Variants in NRG3 observed in about 807,000 individuals in gnomAD.
NRG3 encodes the protein pro-neuregulin-3, membrane-bound isoform.
A neutral mutation model predicts 66.9 loss-of-function variants in NRG3; 31 were observed. The ratio of observed to expected loss-of-function variants is 0.46; its 90% CI spans 0.35 to 0.63. The LOEUF is 0.63. Among genes scored for constraint, NRG3 ranks in the 20% least tolerant of loss-of-function variants. The pLI is 0.00. For synonymous variants in NRG3, 393 were observed against 359.4 expected (o/e 1.09, Z -1.06); for missense variants, 910 against 878.9 (o/e 1.04, Z -0.45).
intron 1 of NRG3, among the ~76,000 whole-genome samples, chr10:82,100,812 T>C (rs2066684603): frequency 6.6e-6 from 1 of 152,034 alleles, no homozygotes; most frequent in South Asian, 2.1e-4. Context: ...AACAGGAATA[T>C]TGGCCTGTCA....
At chr10:82,663,312 G>A (rs1486210543) in intron 2 of NRG3, among the ~76,000 whole-genome samples, 1 of 152,202 alleles carries the variant, frequency 6.6e-6, no homozygotes, top group Non-Finnish European at 1.5e-5. Context: ...ATCTGCCATT[G>A]AGGTTTCCTG....
Position 82,146,192 on chromosome 10 carries a change from CAG to C in NRG3, c.824-212543_824-212542del, listed in dbSNP as rs1451290687. Among the ~76,000 whole-genome samples the C allele has an allele frequency of 3.9e-5, 6 of 152,234 alleles. No individual in the cohort carries two copies. The South Asian group carries it at 1.2e-3, about 32-fold the overall frequency. The stretch of plus-strand genomic sequence containing the variant: ...GTTTCTATCAAAGAGAATGTTGGGA[CAG>C]AGATTGTAAAAGAGAATAGAGCCTG... On this transcript the variant is annotated intron_variant, in intron 1 of 8. Transcript: ENST00000372141.
intron 3 of NRG3, among the ~76,000 whole-genome samples, chr10:82,855,476 C>A (rs1390386853): frequency 6.6e-6 from 1 of 152,120 alleles, no homozygotes; most frequent in African/African-American, 2.4e-5. Flanking sequence ...AGGCTCACTG[C>A]AACCTCGACT....
At chr10:81,877,554 C>A in intron 1 of NRG3, 1 of 419,330 alleles carries the variant, frequency 2.4e-6, no homozygotes, top group Non-Finnish European at 3.3e-6. Context: ...CTGGGTGTTA[C>A]TTAACCCTTG....
intron 2 of NRG3, among the ~76,000 whole-genome samples, chr10:82,697,039 A>G (rs2246722): frequency 0.57 from 86,832 of 152,034 alleles, 27,378 homozygotes; most frequent in East Asian, 0.73. Context: ...GAGACTTTCA[A>G]ATATTATGGT....
intron 2 of NRG3, among the ~76,000 whole-genome samples, chr10:82,435,779 CT>C (rs1158502018): frequency 0.15 from 16,282 of 108,282 alleles, 1,181 homozygotes; most frequent in African/African-American, 0.31. Flanking sequence ...CTTTTCTTTT[CT>C]TTTTTTTTTT....
intron 3 of NRG3, among the ~76,000 whole-genome samples, chr10:82,766,235 C>A (rs2059508103): frequency 6.6e-6 from 1 of 152,142 alleles, no homozygotes; most frequent in African/African-American, 2.4e-5. Context: ...CGAAAGTAAA[C>A]AGCAGCAACC....
chr10:82,092,038 T>C (rs2066056880), intron 1 of NRG3, among the ~76,000 whole-genome samples: 1 of 152,180 alleles, frequency 6.6e-6, no homozygotes, highest in Admixed American at 6.5e-5. Context: ...GAAAAAATAT[T>C]ATTACTATAG....
chr10:82,813,406 G>A (rs926419880), intron 3 of NRG3, among the ~76,000 whole-genome samples: 1 of 151,560 alleles, frequency 6.6e-6, no homozygotes, highest in Non-Finnish European at 1.5e-5. Context: ...TAGAAATGAG[G>A]TTTCACCATG....
At chr10:81,910,099 C>T (rs965701290) in intron 1 of NRG3, among the ~76,000 whole-genome samples, 3 of 152,152 alleles carry the variant, frequency 2.0e-5, no homozygotes, top group African/African-American at 4.8e-5. Flanking sequence ...TTGTTTCAGC[C>T]AGAGGGTTTT....
chr10:82,646,327 A>G (rs537751392), intron 2 of NRG3, among the ~76,000 whole-genome samples: 1 of 152,280 alleles, frequency 6.6e-6, no homozygotes, highest in South Asian at 2.1e-4. Flanking sequence ...CAGAGTGATC[A>G]TTTGCACTCA....
intron 1 of NRG3, among the ~76,000 whole-genome samples, chr10:82,276,680 G>T (rs2078865042): frequency 6.6e-6 from 1 of 151,998 alleles, no homozygotes; most frequent in African/African-American, 2.4e-5. Flanking sequence ...TATATAACTT[G>T]TAGAACATAA....
intron 1 of NRG3, among the ~76,000 whole-genome samples, chr10:82,350,211 T>C (rs1486323985): frequency 6.6e-6 from 1 of 152,246 alleles, no homozygotes; most frequent in Admixed American, 6.5e-5. Context: ...AAAAACATTA[T>C]CAGAGATTTG....
intron 4 of NRG3, among the ~76,000 whole-genome samples, chr10:82,878,222 A>G (rs1288943265): frequency 6.6e-6 from 1 of 152,234 alleles, no homozygotes; most frequent in Non-Finnish European, 1.5e-5. Flanking sequence ...AGAACTGGAC[A>G]AACTTGATGT....
chr10:82,755,283 T>A (rs1163553728), intron 3 of NRG3, among the ~76,000 whole-genome samples: 2 of 152,182 alleles, frequency 1.3e-5, no homozygotes, highest in Non-Finnish European at 2.9e-5. Flanking sequence ...ACTGCCTTTG[T>A]AGTCACTACC....
intron 2 of NRG3, among the ~76,000 whole-genome samples, chr10:82,613,504 C>T (rs2048438769): frequency 6.6e-6 from 1 of 151,340 alleles, no homozygotes; most frequent in Non-Finnish European, 1.5e-5. Flanking sequence ...AATATTTTTA[C>T]ATCTGTCACA....
intron 1 of NRG3, among the ~76,000 whole-genome samples, chr10:82,241,170 A>G (rs950130159): frequency 6.6e-6 from 1 of 152,154 alleles, no homozygotes; most frequent in Non-Finnish European, 1.5e-5. Context: ...ACAACATTGC[A>G]TTTGAATTAT....
At chr10:82,453,489 C>G (rs554181441) in intron 2 of NRG3, among the ~76,000 whole-genome samples, 1 of 152,138 alleles carries the variant, frequency 6.6e-6, no homozygotes, top group South Asian at 2.1e-4. Flanking sequence ...TGTCTGTAAC[C>G]ATTGCATTAA....
At position 82,977,503 on chromosome 10, in the gene NRG3, G is replaced by A. The variant is rs573845098; in HGVS notation, c.1413-1447G>A. Among the ~76,000 whole-genome samples, 9 of 151,910 alleles carry A rather than the reference G, an allele frequency of 5.9e-5. No homozygotes were observed. In the East Asian group the frequency reaches 1.8e-3, roughly 30 times the overall value. On this transcript the variant is annotated intron_variant, in intron 7 of 8. Transcript: ENST00000372141. ...GGGCACCTGTAGTCCCAGCTACTTG[G>A]GAGGCTGGGGCAGGCGAATCACTTG...
Sources: gnomAD v4.1 joint callset for allele counts (sites outside exome capture counted in the v4.1 genomes callset) on GRCh38, gnomAD v4.1.1 for gene constraint, MANE v1.5 for transcripts, NCBI Gene and HGNC (gene_info 2026-07-23, HGNC 2026-07-21) for gene names.